SUPT3H: variants seen among roughly 807,000 people sequenced by gnomAD.
SUPT3H encodes transcription initiation protein SPT3 homolog.
A neutral mutation model predicts 44.3 loss-of-function variants in SUPT3H; 44 were observed. That is an observed-to-expected ratio of 0.99 (90% confidence interval 0.78 to 1.28). The LOEUF (loss-of-function observed/expected upper bound fraction) is 1.28, where lower values mean the gene tolerates loss of function less well. SUPT3H is among the 50% of genes most tolerant of loss of function. SUPT3H has a pLI of 0.00. For missense variants in SUPT3H, 380 were observed against 387.1 expected (o/e 0.98, Z 0.15); for synonymous variants, 124 against 125.6 (o/e 0.99, Z 0.09).
chr6:45,198,793 C>G (rs1451023335), intron 2 of SUPT3H, among the ~76,000 whole-genome samples: 1 of 151,086 alleles, frequency 6.6e-6, no homozygotes, highest in African/African-American at 2.4e-5. Flanking sequence ...ACACCAACAT[C>G]TTAATTATTA....
chr6:45,372,004 T>C (rs2150312901), intron 1 of SUPT3H: 1 of 925,992 alleles, frequency 1.1e-6, no homozygotes, highest in Non-Finnish European at 1.3e-6. Flanking sequence ...GAGTTCTTTC[T>C]ACTATACATC....
chr6:45,015,761 C>T (rs1025516648), intron 4 of SUPT3H, among the ~76,000 whole-genome samples: 1 of 151,204 alleles, frequency 6.6e-6, no homozygotes, highest in Non-Finnish European at 1.5e-5. Flanking sequence ...GCTTTTTAAA[C>T]TTCTCTGTTA....
chr6:45,243,376 G>T (rs1197964051), intron 2 of SUPT3H, among the ~76,000 whole-genome samples: 2 of 151,704 alleles, frequency 1.3e-5, no homozygotes, highest in Non-Finnish European at 2.9e-5. Flanking sequence ...CCAATGAAAA[G>T]AAATAATAAA....
chr6:45,260,114 G>GT (rs1157497989), intron 2 of SUPT3H, among the ~76,000 whole-genome samples: 1 of 152,080 alleles, frequency 6.6e-6, no homozygotes, highest in East Asian at 1.9e-4. Context: ...ATACTACCAA[G>GT]TAAAATAAAC....
intron 2 of SUPT3H, among the ~76,000 whole-genome samples, chr6:45,262,037 T>G (rs554323767): frequency 1.3e-5 from 2 of 152,176 alleles, no homozygotes; most frequent in East Asian, 3.9e-4. Context: ...AAAAGATCTC[T>G]ACAAGAATTA....
chr6:45,187,101 T>TAA (rs70996308), intron 2 of SUPT3H, among the ~76,000 whole-genome samples: 4,054 of 79,822 alleles, frequency 0.051, 241 homozygotes, highest in Non-Finnish European at 0.073. Context: ...TTTTCGCCTT[T>TAA]AAAAAAAAAA....
intron 2 of SUPT3H, among the ~76,000 whole-genome samples, chr6:45,178,705 A>G (rs1305893565): frequency 6.6e-6 from 1 of 152,140 alleles, no homozygotes; most frequent in African/African-American, 2.4e-5. Flanking sequence ...CAGAAATTAT[A>G]ACAAACTGTC....
chr6:45,213,003 T>C (rs566735736), intron 2 of SUPT3H, among the ~76,000 whole-genome samples: 16 of 152,324 alleles, frequency 1.1e-4, no homozygotes, highest in African/African-American at 3.8e-4. Flanking sequence ...CGATTTTGAA[T>C]GTAAACGCAA....
chr6:45,112,562 G>C (rs1410632485), intron 2 of SUPT3H, among the ~76,000 whole-genome samples: 1 of 152,136 alleles, frequency 6.6e-6, no homozygotes, highest in Non-Finnish European at 1.5e-5. Flanking sequence ...GACTGATTAA[G>C]TTTCTAACAG....
chr6:45,230,875 G>T (rs1177686299), intron 2 of SUPT3H, among the ~76,000 whole-genome samples: 1 of 151,522 alleles, frequency 6.6e-6, no homozygotes, highest in African/African-American at 2.4e-5. Context: ...GTTTCACCAT[G>T]TTGGCCAGGA....
intron 2 of SUPT3H, among the ~76,000 whole-genome samples, chr6:45,233,700 T>C (rs542270387): frequency 6.6e-6 from 1 of 152,348 alleles, no homozygotes; most frequent in African/African-American, 2.4e-5. Context: ...ATATATTCTA[T>C]TCAAGGTATG....
rs1225798283 is a variant in SUPT3H at position 45,339,104 on chromosome 6, T to TA, written c.101+26096dup. 7.2e-5 allele frequency among the ~76,000 whole-genome samples: 11 copies of TA among 152,280 alleles called. No individual in the cohort carries two copies. In the East Asian group the frequency reaches 1.9e-3, roughly 27 times the overall value. ...TAAATATCTTGCAAACTAAGATAGT[T>TA]ATGGCCTTATTGCTTGACTATAAGG... On this transcript the variant is annotated intron_variant, in intron 2 of 10. Coordinates refer to ENST00000371459, the MANE Select transcript of SUPT3H (RefSeq NM_003599.4).
At chr6:44,853,770 AG>A (rs1269515868) in intron 10 of SUPT3H, among the ~76,000 whole-genome samples, 1 of 152,058 alleles carries the variant, frequency 6.6e-6, no homozygotes, top group Non-Finnish European at 1.5e-5. Context: ...AATTATGGGA[AG>A]GTGAGGGGAA....
intron 2 of SUPT3H, among the ~76,000 whole-genome samples, chr6:45,158,241 TA>T (rs1477989780): frequency 1.6e-4 from 21 of 135,150 alleles, no homozygotes; most frequent in Non-Finnish European, 2.8e-4. Flanking sequence ...GATAGATAGA[TA>T]GATAATGCCT....
chr6:45,222,513 T>C (rs570244815), intron 2 of SUPT3H, among the ~76,000 whole-genome samples: 2 of 152,132 alleles, frequency 1.3e-5, no homozygotes, highest in East Asian at 3.9e-4. Flanking sequence ...ACCATCAGAA[T>C]GGCTAAAATT....
chr6:44,844,523 G>C (rs1235826540), intron 10 of SUPT3H, among the ~76,000 whole-genome samples: 1 of 151,934 alleles, frequency 6.6e-6, no homozygotes, highest in Non-Finnish European at 1.5e-5. Flanking sequence ...ACCAAATGCG[G>C]TACACCCATA....
At chr6:45,093,919 C>T (rs1289333223) in intron 3 of SUPT3H, among the ~76,000 whole-genome samples, 1 of 152,038 alleles carries the variant, frequency 6.6e-6, no homozygotes, top group Non-Finnish European at 1.5e-5. Context: ...TTATATTCTA[C>T]ACATATTTAA....
chr6:45,315,378 T>C lies in SUPT3H; in HGVS notation c.101+49823A>G, dbSNP rs60756874. On this transcript the variant is annotated intron_variant, in intron 2 of 10. Transcript: ENST00000371459. ...AGTTGGAGAAAATCTTCACAATCTATATATCTGACAAAGGACTAATATCTA... is the reference window on the plus strand; with the variant it reads ...AGTTGGAGAAAATCTTCACAATCTACATATCTGACAAAGGACTAATATCTA... Among the ~76,000 whole-genome samples, 599 of 152,216 alleles carry C rather than the reference T, an allele frequency of 3.9e-3. 7 individuals carry two copies. Among genetic ancestry groups the C allele is most frequent in the African/African-American group, 0.014 (567 of 41,520 alleles).
chr6:44,993,140 G>A (rs941583929), intron 6 of SUPT3H, among the ~76,000 whole-genome samples: 3 of 152,058 alleles, frequency 2.0e-5, no homozygotes, highest in African/African-American at 4.8e-5. Flanking sequence ...TTCAGCCTGG[G>A]GAACAGAAGG....
Sources: allele counts gnomAD v4.1 joint callset (sites outside exome capture counted in the v4.1 genomes callset), GRCh38; gene constraint gnomAD v4.1.1; transcripts MANE v1.5; gene names NCBI Gene and HGNC (gene_info 2026-07-23, HGNC 2026-07-21).